The following SESN3 variants were observed in gnomAD, a reference collection of about 807,000 sequenced individuals.
SESN3 encodes the protein sestrin 3, also known as sestrin-3.
A neutral mutation model predicts 55.3 loss-of-function variants in SESN3; 21 were observed. That is an observed-to-expected ratio of 0.38 (90% CI 0.27 to 0.55). SESN3 has a LOEUF of 0.55. Ranked by LOEUF, SESN3 falls within the 20% of genes least tolerant of loss-of-function variation. The probability of loss-of-function intolerance (pLI) is 0.76; values close to 1 mark genes in which losing one functional copy is unlikely to be tolerated. For missense variants in SESN3, 408 were observed against 604.3 expected, an observed-to-expected ratio of 0.68 and a Z score of 3.41; for synonymous variants, 181 against 203.1, an observed-to-expected ratio of 0.89 and a Z score of 0.93.
intron 6 of SESN3, among the ~76,000 whole-genome samples, chr11:95,183,490 A>G (rs1208214571): frequency 6.6e-6 from 1 of 152,066 alleles, no homozygotes; most frequent in Non-Finnish European, 1.5e-5. Context: ...GATGAGTTTT[A>G]AGACAGGCAG....
At chr11:95,184,233 T>C in intron 6 of SESN3, 187 bp downstream of exon 6, 1 of 606,182 alleles carries the variant, frequency 1.6e-6, no homozygotes, top group Non-Finnish European at 2.9e-6. Context: ...CTCAACTCAA[T>C]CTGAAATACA....
intron 1 of SESN3, among the ~76,000 whole-genome samples, chr11:95,221,784 A>G (rs927113789): frequency 6.6e-6 from 1 of 152,246 alleles, no homozygotes; most frequent in South Asian, 2.1e-4. Flanking sequence ...AAATAGGAAT[A>G]AAATATCTCA....
intron 1 of SESN3, among the ~76,000 whole-genome samples, chr11:95,218,301 C>T (rs1309485993): frequency 2.0e-5 from 3 of 152,210 alleles, no homozygotes; most frequent in Non-Finnish European, 4.4e-5. Flanking sequence ...GTAGTGTCAA[C>T]TGGGAGGCAT....
chr11:95,230,784 T>C lies in SESN3; in HGVS notation c.77A>G (p.Lys26Arg). ...CAGGACCCCGGGCCGAACCCGTACCTTCCGCAGCACTTTCCGGCAGTTGGT... is the reference window on the plus strand; with the variant it reads ...CAGGACCCCGGGCCGAACCCGTACCCTCCGCAGCACTTTCCGGCAGTTGGT... ...LCTNCRKVLR[K>R]DKRIRVSQPL... Residue 26 changes from lysine to arginine, a missense_variant and splice_region_variant, in exon 1 of 10, where the codon AAG (lysine) becomes AGG (arginine). Transcript: ENST00000536441. The surrounding 1 kb of genome is among the most constrained non-coding windows in gnomAD (Gnocchi z 4.6). The C allele has an allele frequency of 6.2e-7, 1 of 1,605,934 alleles. No homozygotes were observed. The highest frequency in any genetic ancestry group is 1.3e-5 in the African/African-American group (1 of 74,086).
chr11:95,196,152 T>A (rs11021070), intron 1 of SESN3, among the ~76,000 whole-genome samples: 1 of 152,204 alleles, frequency 6.6e-6, no homozygotes, highest in African/African-American at 2.4e-5. Flanking sequence ...TTTAACATCA[T>A]GTATTCTTCT....
In SESN3 at chr11:95,191,396, G is replaced by A; in HGVS notation, c.342+8C>T. Reference sequence around the variant, plus strand: ...GTGTTATGTGAACATAGGAAAATAAGCACCCACCATTATTGCAATATAGTG... The same window carrying A: ...GTGTTATGTGAACATAGGAAAATAAACACCCACCATTATTGCAATATAGTG... On this transcript the variant is annotated splice_region_variant and intron_variant, in intron 3 of 9. Coordinates refer to ENST00000536441, the MANE Select transcript of SESN3 (RefSeq NM_144665.4). 6.2e-7 allele frequency: 1 copy of A among 1,601,406 alleles called. No individual in the cohort carries two copies. The highest frequency in any genetic ancestry group is 8.6e-7 in the Non-Finnish European group (1 of 1,168,792).
intron 1 of SESN3, among the ~76,000 whole-genome samples, chr11:95,220,005 T>G (rs1194296824): frequency 6.6e-6 from 1 of 152,094 alleles, no homozygotes; most frequent in Non-Finnish European, 1.5e-5. Flanking sequence ...AGTTCTAACT[T>G]AAAATAAATA....
In SESN3 at chr11:95,168,017, C is replaced by T. The variant is rs1345592332; in HGVS notation, c.*5238G>A. On this transcript the variant is annotated 3_prime_UTR_variant, in exon 10 of 10. Coordinates refer to ENST00000536441, the MANE Select transcript of SESN3 (RefSeq NM_144665.4). ...ACAGAGGTTAGAGGCTTAGTCTAAC[C>T]CAGGAAAGCCTGGTTAAACCCTTAT... The T allele has an allele frequency of 6.6e-6, 1 of 152,074 alleles. No homozygotes were observed. Among genetic ancestry groups the T allele is most frequent in the African/African-American group, 2.4e-5 (1 of 41,394 alleles). 9.4% of individuals were successfully genotyped at this position (152,074 alleles called of 1,614,324 possible).
rs1859822519 is a variant in SESN3, at chr11:95,170,139, C to G, written c.*3116G>C. ...ATAAGCTGTCTCAAAAGCCTCTTTT[C>G]CCCTAATAGTCATATATCCACCTGA... On this transcript the variant is annotated 3_prime_UTR_variant, in exon 10 of 10. Transcript: ENST00000536441. The G allele has an allele frequency of 6.6e-6, 1 of 152,162 alleles. No individual in the cohort carries two copies. Among genetic ancestry groups the G allele is most frequent in the Non-Finnish European group, 1.5e-5 (1 of 68,024 alleles). The allele number at this position is 152,162 out of a possible 1,614,324, so 9.4% of individuals were successfully genotyped here.
intron 1 of SESN3, among the ~76,000 whole-genome samples, chr11:95,227,482 G>GC (rs1565478079): frequency 6.6e-6 from 1 of 152,010 alleles, no homozygotes; most frequent in Non-Finnish European, 1.5e-5. Flanking sequence ...GGGATTACAG[G>GC]CGTAAGCCAC....
At chr11:95,215,826 C>T (rs1425111016) in intron 1 of SESN3, among the ~76,000 whole-genome samples, 6 of 152,106 alleles carry the variant, frequency 3.9e-5, no homozygotes, top group Non-Finnish European at 5.9e-5. Context: ...TGGCCGGGCG[C>T]GGTGGCTCAC....
rs774388579 is a variant in SESN3, at chr11:95,191,521, G to A, written c.225C>T (p.Ile75=). The stretch of plus-strand genomic sequence containing the variant: ...GAGTGTGTAAACTCATGACCTGTGT[G>A]ATGTTGTCCAGACGACCGGATGTAG... The part of the protein sequence containing the change: ...EYSTSGRLDN[I]TQVMSLHTQY... The change falls in exon 3 of 10, where the codon ATC becomes ATT. Residue 75 remains isoleucine (I), a synonymous_variant. Transcript: ENST00000536441. 5.0e-6 allele frequency: 8 copies of A among 1,612,944 alleles called. No homozygotes were observed. The East Asian group carries it at 1.3e-4, about 27-fold the overall frequency.
intron 1 of SESN3, among the ~76,000 whole-genome samples, chr11:95,203,446 G>C (rs907167463): frequency 1.3e-5 from 2 of 152,052 alleles, no homozygotes; most frequent in African/African-American, 4.8e-5. Context: ...GTAAATTCAA[G>C]TATATTTGAT....
At chr11:95,187,717 T>C (rs377442559) in intron 4 of SESN3, among the ~76,000 whole-genome samples, 39 of 151,996 alleles carry the variant, frequency 2.6e-4, no homozygotes, top group African/African-American at 8.7e-4. Flanking sequence ...GATGGGCCAT[T>C]CATTCCTTCA....
At chr11:95,178,396 C>CAAG (rs917217536) in intron 7 of SESN3, among the ~76,000 whole-genome samples, 3 of 151,962 alleles carry the variant, frequency 2.0e-5, no homozygotes, top group African/African-American at 7.3e-5. Context: ...GATTTTATTC[C>CAAG]AAGAAAAAGT....
intron 8 of SESN3, among the ~76,000 whole-genome samples, chr11:95,177,375 T>C (rs1290140881): frequency 6.6e-6 from 1 of 152,176 alleles, no homozygotes; most frequent in Admixed American, 6.5e-5. Context: ...AACCAGAATT[T>C]ATTATAGTGA....
intron 1 of SESN3, among the ~76,000 whole-genome samples, chr11:95,204,474 G>A (rs973297080): frequency 1.3e-5 from 2 of 152,008 alleles, no homozygotes; most frequent in African/African-American, 4.8e-5. Flanking sequence ...TGTACTGAAT[G>A]TTCCTGTCCC....
chr11:95,210,039 A>AAAG (rs1023114122), intron 1 of SESN3, among the ~76,000 whole-genome samples: 1 of 151,212 alleles, frequency 6.6e-6, no homozygotes, highest in African/African-American at 2.4e-5. Context: ...AAAAAAAAAA[A>AAAG]AAGAAGGATG....
intron 1 of SESN3, among the ~76,000 whole-genome samples, chr11:95,208,048 T>C (rs1174232411): frequency 2.4e-5 from 1 of 41,014 alleles, no homozygotes; most frequent in Admixed American, 3.2e-4. Flanking sequence ...TAATAATCTA[T>C]TTATTGTCAG....
Sources: allele counts gnomAD v4.1 joint callset (sites outside exome capture counted in the v4.1 genomes callset), GRCh38; gene constraint gnomAD v4.1.1; non-coding constraint Gnocchi (gnomAD v3.1); transcripts MANE v1.5; gene names NCBI Gene and HGNC (gene_info 2026-07-23, HGNC 2026-07-21).